The following RASEF variants were observed in gnomAD, a reference collection of about 807,000 sequenced individuals.
RASEF encodes RAS and EF-hand domain containing.
Under a neutral mutation model 90.1 loss-of-function variants are expected in RASEF, and 68 were observed. That is an observed-to-expected ratio of 0.75 (90% CI 0.62 to 0.92). RASEF has a LOEUF of 0.92. Among genes scored for constraint, RASEF ranks in the 40% least tolerant of loss-of-function variants. The pLI is 0.00. For missense variants in RASEF, 949 were observed against 937.2 expected, an observed-to-expected ratio of 1.01 and a Z score of -0.16; for synonymous variants, 331 against 345.2, an observed-to-expected ratio of 0.96 and a Z score of 0.46.
chr9:83,088,372 GGATAGATAGATA>G, the RASEF span, among the ~76,000 whole-genome samples: 20 of 147,576 alleles, frequency 1.4e-4, no homozygotes, highest in Admixed American at 5.4e-4. Context: ...ATAGATAGAT[GGATAGATAGATA>G]GATAGATAGA....
At chr9:83,160,925 G>T in the RASEF span, among the ~76,000 whole-genome samples, 1 of 152,170 alleles carries the variant, frequency 6.6e-6, no homozygotes, top group South Asian at 2.1e-4. Context: ...ATCCTCCATG[G>T]GGTGTTGAGC....
intron 5 of RASEF, among the ~76,000 whole-genome samples, chr9:83,010,709 T>C (rs1829224086): frequency 6.6e-6 from 1 of 152,146 alleles, no homozygotes; most frequent in South Asian, 2.1e-4. Context: ...AAGTGGCTCC[T>C]GTAAAAAAAG....
chr9:83,066,051 C>G (rs1224745749), upstream of RASEF, among the ~76,000 whole-genome samples: 2 of 152,162 alleles, frequency 1.3e-5, no homozygotes, highest in Non-Finnish European at 2.9e-5. Context: ...AAAAAGAGAA[C>G]TAAAGGTAAA....
At chr9:83,038,551 A>G (rs2118629466) in intron 1 of RASEF, among the ~76,000 whole-genome samples, 1 of 152,302 alleles carries the variant, frequency 6.6e-6, no homozygotes, top group South Asian at 2.1e-4. Context: ...GGCATTAGAG[A>G]TAGATATAGA....
Position 83,063,038 on chromosome 9 carries a change from C to G in RASEF, c.-171G>C. The stretch of plus-strand genomic sequence containing the variant: ...CGGGGCGAGGAACGTCGGGGGTGGC[C>G]GAGCGGCTCCCTTCGACGACGGTTC... On this transcript the variant is annotated 5_prime_UTR_variant, in exon 1 of 17. Transcript: ENST00000376447. 1.5e-6 allele frequency: 1 copy of G among 674,632 alleles called. No homozygotes were observed. The highest frequency in any genetic ancestry group is 2.6e-5 in the South Asian group (1 of 37,842). 41.8% of individuals were successfully genotyped at this position (674,632 alleles called of 1,614,324 possible). A position where few individuals can be genotyped will look rare whatever the true frequency, so the allele number is the denominator to read the frequency against.
intron 15 of RASEF, among the ~76,000 whole-genome samples, chr9:82,992,681 G>C (rs1228145962): frequency 6.6e-6 from 1 of 152,174 alleles, no homozygotes; most frequent in East Asian, 1.9e-4. Flanking sequence ...TACTCAATGG[G>C]AGAAAATGAT....
At chr9:83,130,249 A>T in the RASEF span, among the ~76,000 whole-genome samples, 3 of 152,040 alleles carry the variant, frequency 2.0e-5, no homozygotes, top group Non-Finnish European at 4.4e-5. Context: ...TTTTTTTAAG[A>T]CTTTATCTTT....
At chr9:83,025,693 T>C (rs1045489110) in intron 2 of RASEF, 82 bp downstream of exon 2, 2 of 1,359,538 alleles carry the variant, frequency 1.5e-6, no homozygotes, top group Non-Finnish European at 2.1e-6. Flanking sequence ...AGTGTGACAA[T>C]GCAGTTCAGT....
At chr9:83,123,130 C>A in the RASEF span, among the ~76,000 whole-genome samples, 1 of 151,436 alleles carries the variant, frequency 6.6e-6, no homozygotes, top group African/African-American at 2.4e-5. Context: ...ATTGCAGCTA[C>A]TCGGGAGGCT....
the RASEF span, among the ~76,000 whole-genome samples, chr9:83,188,446 C>T: frequency 2.0e-4 from 30 of 152,292 alleles, 1 homozygote; most frequent in South Asian, 6.2e-3. Context: ...TGATAACACA[C>T]TTGTGCAACC....
intron 1 of RASEF, among the ~76,000 whole-genome samples, chr9:83,059,499 A>G (rs1244564654): frequency 6.6e-6 from 1 of 152,184 alleles, no homozygotes; most frequent in African/African-American, 2.4e-5. Flanking sequence ...CATTTGGCAA[A>G]CATTTACTGA....
the RASEF span, among the ~76,000 whole-genome samples, chr9:83,089,174 T>A: frequency 6.6e-6 from 1 of 152,046 alleles, no homozygotes; most frequent in Non-Finnish European, 1.5e-5. Context: ...TACAAAAAAA[T>A]TGCCACTAAA....
chr9:83,043,406 G>GA (rs1415688402), intron 1 of RASEF, among the ~76,000 whole-genome samples: 1 of 151,634 alleles, frequency 6.6e-6, no homozygotes, highest in African/African-American at 2.4e-5. Flanking sequence ...TTGGGGGGGG[G>GA]GACCCTGGGC....
intron 16 of RASEF, among the ~76,000 whole-genome samples, chr9:82,985,704 A>G (rs1031674899): frequency 6.6e-6 from 1 of 152,216 alleles, no homozygotes; most frequent in Non-Finnish European, 1.5e-5. Flanking sequence ...GGGAATTTTG[A>G]GGCCTGAACC....
chr9:83,147,026 G>GTATATATATATGTATATA, the RASEF span, among the ~76,000 whole-genome samples: 8 of 118,132 alleles, frequency 6.8e-5, no homozygotes, highest in African/African-American at 2.7e-4. Context: ...GTGTGTGTGT[G>GTATATATATATGTATATA]TGTATATATA....
intron 3 of RASEF, among the ~76,000 whole-genome samples, chr9:83,017,602 G>A: frequency 6.6e-6 from 1 of 152,178 alleles, no homozygotes; most frequent in East Asian, 1.9e-4. Context: ...GATCAGATAA[G>A]AGATTGTTAC....
At chr9:83,121,312 T>C in the RASEF span, among the ~76,000 whole-genome samples, 1 of 152,142 alleles carries the variant, frequency 6.6e-6, no homozygotes, top group African/African-American at 2.4e-5. Context: ...TATCTAGATA[T>C]GTTTCTATGT....
rs1207312800 is a variant in RASEF, at chr9:82,991,657, T to C, written c.2041-1190A>G. ...CACCACAAAGTAAATGCATTTCTGG[T>C]AGAAACCATCAGTGCTGGTGTTGAC... On this transcript the variant is annotated intron_variant, in intron 15 of 16. Coordinates refer to ENST00000376447, the MANE Select transcript of RASEF (RefSeq NM_152573.4). Among the ~76,000 whole-genome samples the C allele has an allele frequency of 2.0e-5, 3 of 152,172 alleles. No homozygotes were observed. The East Asian group carries it at 5.8e-4, about 29-fold the overall frequency.
At chr9:83,179,478 T>G in the RASEF span, among the ~76,000 whole-genome samples, 7 of 152,128 alleles carry the variant, frequency 4.6e-5, no homozygotes, top group Non-Finnish European at 8.8e-5. Flanking sequence ...GTATCGTCAT[T>G]TATTTCTTTT....
Sources: gnomAD v4.1 joint callset for allele counts (sites outside exome capture counted in the v4.1 genomes callset) on GRCh38, gnomAD v4.1.1 for gene constraint, MANE v1.5 for transcripts, NCBI Gene and HGNC (gene_info 2026-07-23, HGNC 2026-07-21) for gene names.